Variants in COL13A1 observed in about 807,000 individuals in gnomAD.
COL13A1 encodes the protein collagen alpha-1(XIII) chain.
In COL13A1, 89 loss-of-function variants were observed where a neutral mutation model predicts 130.9. The observed-to-expected ratio is 0.68, with a 90% CI of 0.57 to 0.81. The LOEUF is 0.81. Ranked by LOEUF, COL13A1 falls within the 30% of genes least tolerant of loss-of-function variation. The probability of loss-of-function intolerance (pLI) is 0.00; values close to 1 mark genes in which losing one functional copy is unlikely to be tolerated. For missense variants in COL13A1, 879 were observed against 934.6 expected, an observed-to-expected ratio of 0.94 and a Z score of 0.78; for synonymous variants, 402 against 341.6, an observed-to-expected ratio of 1.18 and a Z score of -1.95.
rs368077881 is a variant in COL13A1 at position 69,888,342 on chromosome 10, C to G, written c.576+12C>G. 1.1e-5 allele frequency: 17 copies of G among 1,611,508 alleles called. No homozygotes were observed. In the South Asian group the frequency reaches 1.3e-4, roughly 13 times the overall value. On this transcript the variant is annotated intron_variant, in intron 9 of 40. Transcript: ENST00000645393. ...TGGACGGCAAACCGGTAAGTGGACC[C>G]GCTCTCTCCCCTCACTGCAGGTCAG...
chr10:69,825,290 G>A (rs368316948), intron 2 of COL13A1, among the ~76,000 whole-genome samples: 15 of 152,166 alleles, frequency 9.9e-5, no homozygotes, highest in African/African-American at 3.1e-4. Context: ...ATGCATTTCC[G>A]ATTATCTCCT....
intron 2 of COL13A1, among the ~76,000 whole-genome samples, chr10:69,853,513 G>C (rs1001764112): frequency 6.6e-6 from 1 of 152,188 alleles, no homozygotes; most frequent in African/African-American, 2.4e-5. Context: ...TTATACATAT[G>C]AGGTCAACGC....
At chr10:69,847,884 G>A (rs371829958) in intron 2 of COL13A1, among the ~76,000 whole-genome samples, 1 of 152,216 alleles carries the variant, frequency 6.6e-6, no homozygotes, top group African/African-American at 2.4e-5. Context: ...GGCTGGTCTG[G>A]GAGGGAGGAG....
At chr10:69,842,816 G>C (rs1319179590) in intron 2 of COL13A1, among the ~76,000 whole-genome samples, 1 of 152,212 alleles carries the variant, frequency 6.6e-6, no homozygotes, top group Non-Finnish European at 1.5e-5. Context: ...AGAGAGCCCA[G>C]CTCCCTGCCA....
At chr10:69,905,263 G>A (rs774585836) in intron 16 of COL13A1, among the ~76,000 whole-genome samples, 11 of 152,162 alleles carry the variant, frequency 7.2e-5, no homozygotes, top group South Asian at 2.1e-4. Context: ...CCAGAACACC[G>A]TCACAATATC....
intron 2 of COL13A1, among the ~76,000 whole-genome samples, chr10:69,834,813 T>A (rs901125346): frequency 6.6e-6 from 1 of 151,992 alleles, no homozygotes; most frequent in African/African-American, 2.4e-5. Flanking sequence ...GGATGCCTCA[T>A]GGAAATGCTG....
intron 34 of COL13A1, among the ~76,000 whole-genome samples, chr10:69,940,712 G>T (rs71480622): frequency 1.3e-5 from 2 of 152,166 alleles, no homozygotes; most frequent in African/African-American, 4.8e-5. Flanking sequence ...GAGAGGAGAA[G>T]GGGGGCGGGA....
intron 10 of COL13A1, among the ~76,000 whole-genome samples, chr10:69,893,950 C>T (rs1388739088): frequency 1.3e-5 from 2 of 152,238 alleles, no homozygotes; most frequent in African/African-American, 4.8e-5. Flanking sequence ...CAGCAAGGGT[C>T]CCTCCCAACC....
At chr10:69,855,664 T>C (rs983535069) in intron 2 of COL13A1, among the ~76,000 whole-genome samples, 1 of 149,140 alleles carries the variant, frequency 6.7e-6, no homozygotes, top group African/African-American at 2.5e-5. Context: ...CTTCACGGAG[T>C]CCTGCTTTAC....
Position 69,945,721 on chromosome 10 carries a change from T to C in COL13A1, c.2019T>C (p.Leu673=). 1.2e-6 allele frequency: 2 copies of C among 1,612,100 alleles called. No individual in the cohort carries two copies. Among genetic ancestry groups the C allele is most frequent in the Non-Finnish European group, 1.7e-6 (2 of 1,179,170 alleles). Residue 673 remains leucine, a synonymous_variant, in exon 37 of 41, where the codon CTT becomes CTC. Coordinates refer to ENST00000645393, the MANE Select transcript of COL13A1 (RefSeq NM_001368882.1). ...CAGGACCAACGGGAGCAGCTGGGCT[T>C]CCTGTGAGTCTCTTGGGATCAGAGG... ...GMTGPTGAAG[L]PGLHGPPGDK...
At chr10:69,859,618 G>T (rs1428945342) in intron 2 of COL13A1, among the ~76,000 whole-genome samples, 1 of 152,202 alleles carries the variant, frequency 6.6e-6, no homozygotes, top group Non-Finnish European at 1.5e-5. Context: ...CTTCCTTCAG[G>T]GACCTGAGTG....
At chr10:69,843,339 C>T (rs1243985505) in intron 2 of COL13A1, among the ~76,000 whole-genome samples, 1 of 152,176 alleles carries the variant, frequency 6.6e-6, no homozygotes, top group Non-Finnish European at 1.5e-5. Flanking sequence ...ACCATGGGTT[C>T]AAATCCTGCC....
rs545917076 is a variant in COL13A1 at position 69,893,938 on chromosome 10, G to T, written c.604-614G>T. Among the ~76,000 whole-genome samples, 7 of 152,332 alleles carry T rather than the reference G, an allele frequency of 4.6e-5. 1 individual carries two copies. The highest frequency in any genetic ancestry group is 1.7e-4 in the African/African-American group (7 of 41,578). ...GCCAGAGCATGCGGGGCCCTCCCCA[G>T]ACAGCAAGGGTCCCTCCCAACCCCA... On this transcript the variant is annotated intron_variant, in intron 10 of 40. Transcript: ENST00000645393.
At chr10:69,859,695 C>T (rs142173445) in intron 2 of COL13A1, among the ~76,000 whole-genome samples, 27 of 152,334 alleles carry the variant, frequency 1.8e-4, no homozygotes, top group Admixed American at 2.6e-4. Context: ...TCAAGGGTCT[C>T]GTCAGGACCA....
At chr10:69,870,907 G>T (rs965098893) in intron 3 of COL13A1, among the ~76,000 whole-genome samples, 2 of 151,984 alleles carry the variant, frequency 1.3e-5, no homozygotes, top group Non-Finnish European at 2.9e-5. Flanking sequence ...CTGATGCTTG[G>T]GCGAAGCACA....
chr10:69,929,093 C>T, intron 28 of COL13A1, 94 bp downstream of exon 28: 1 of 971,394 alleles, frequency 1.0e-6, no homozygotes, highest in Non-Finnish European at 1.6e-6. Flanking sequence ...CTTCCCAGCA[C>T]TACCACCATA....
chr10:69,813,376 C>T (rs1165686632), intron 1 of COL13A1, among the ~76,000 whole-genome samples: 3 of 152,178 alleles, frequency 2.0e-5, no homozygotes, highest in Non-Finnish European at 4.4e-5. Context: ...CTTCGTCATA[C>T]GAATGCTGCA....
chr10:69,930,437 G>C lies in COL13A1; in HGVS notation c.1568G>C (p.Gly523Ala). Reference protein sequence around the residue: ...RGKPGDMGPPGPQGPPGKDGP... With the variant: ...RGKPGDMGPPAPQGPPGKDGP... ...AAACCAGGAGACATGGGCCCTCCTG[G>C]TCCCCAAGGCCCCCCAGGAAAGGAT... The change falls in exon 30 of 41, where the codon GGT becomes GCT. Residue 523 changes from glycine (G) to alanine (A), a missense_variant. Physicochemically the swap from Gly to Ala is moderately conservative, Grantham distance 60 (BLOSUM62 0). Transcript: ENST00000645393. 1 of 1,613,568 alleles carries C rather than the reference G, an allele frequency of 6.2e-7. No individual in the cohort carries two copies. The highest frequency in any genetic ancestry group is 1.3e-5 in the African/African-American group (1 of 75,000).
chr10:69,864,361 A>AAACCCAACC (rs1328762217), intron 2 of COL13A1, among the ~76,000 whole-genome samples: 2 of 152,198 alleles, frequency 1.3e-5, no homozygotes, highest in African/African-American at 4.8e-5. Context: ...CTCCTACAGC[A>AAACCCAACC]AACCTTTCTC....
Sources: allele counts gnomAD v4.1 joint callset (sites outside exome capture counted in the v4.1 genomes callset), GRCh38; gene constraint gnomAD v4.1.1; transcripts MANE v1.5; gene names NCBI Gene and HGNC (gene_info 2026-07-23, HGNC 2026-07-21).